MYO16: variants seen among roughly 807,000 people sequenced by gnomAD.
MYO16 encodes unconventional myosin-XVI.
MYO16 carries 94 observed loss-of-function variants against 205.3 expected under a neutral mutation model. The ratio of observed to expected loss-of-function variants is 0.46; its 90% CI spans 0.39 to 0.54. The LOEUF is 0.54. Among genes scored for constraint, MYO16 ranks in the 20% least tolerant of loss-of-function variants. The pLI is 0.00. For missense variants in MYO16, 2,315 were observed against 2,387.5 expected (o/e 0.97, Z 0.63); for synonymous variants, 988 against 954.0 (o/e 1.04, Z -0.66).
At chr13:109,146,101 A>G (rs1459595446) in intron 32 of MYO16, among the ~76,000 whole-genome samples, 1 of 152,150 alleles carries the variant, frequency 6.6e-6, no homozygotes, top group African/African-American at 2.4e-5. Flanking sequence ...TTTGAGGTAA[A>G]ATTTACCTAT....
At chr13:108,835,167 C>G (rs1173298481) in intron 9 of MYO16, among the ~76,000 whole-genome samples, 1 of 151,876 alleles carries the variant, frequency 6.6e-6, no homozygotes, top group Non-Finnish European at 1.5e-5. Context: ...AATTATAGTT[C>G]CCATAATCCC....
intron 2 of MYO16, among the ~76,000 whole-genome samples, chr13:108,682,989 G>A (rs988416336): frequency 6.6e-6 from 1 of 152,010 alleles, no homozygotes; most frequent in African/African-American, 2.4e-5. Flanking sequence ...TAATGTCAAG[G>A]GTGCTGTATA....
At chr13:108,628,631 A>G (rs1335269114), upstream of MYO16, among the ~76,000 whole-genome samples, 2 of 152,188 alleles carry the variant, frequency 1.3e-5, no homozygotes, top group South Asian at 4.1e-4. Flanking sequence ...ATGTGTTAGA[A>G]TATTATTCAG....
intron 34 of MYO16, among the ~76,000 whole-genome samples, chr13:109,197,180 G>A (rs1185829766): frequency 6.6e-6 from 1 of 152,304 alleles, no homozygotes; most frequent in Non-Finnish European, 1.5e-5. Context: ...CAAGAAACGA[G>A]CATGGGACCA....
intron 7 of MYO16, among the ~76,000 whole-genome samples, chr13:108,813,953 T>C (rs556384365): frequency 1.3e-5 from 2 of 152,284 alleles, no homozygotes; most frequent in South Asian, 2.1e-4. Context: ...TGGAAGCACA[T>C]AGGAAATATT....
At chr13:108,678,285 T>C (rs755175109) in intron 2 of MYO16, among the ~76,000 whole-genome samples, 10 of 152,200 alleles carry the variant, frequency 6.6e-5, no homozygotes, top group Admixed American at 3.9e-4. Flanking sequence ...ACTGCCCCAC[T>C]GGAGCCAGTG....
At chr13:108,614,427 C>T (rs1441840049) in intron 1 of MYO16, among the ~76,000 whole-genome samples, 1 of 151,912 alleles carries the variant, frequency 6.6e-6, no homozygotes, top group African/African-American at 2.4e-5. Context: ...AAATGCAATC[C>T]CTATTAAAAC....
At chr13:108,523,632 T>C in the MYO16 span, among the ~76,000 whole-genome samples, 1 of 152,190 alleles carries the variant, frequency 6.6e-6, no homozygotes, top group Non-Finnish European at 1.5e-5. Flanking sequence ...CTTTCTCATG[T>C]CAGCATTCAG....
chr13:108,548,560 G>A, the MYO16 span, among the ~76,000 whole-genome samples: 1 of 151,424 alleles, frequency 6.6e-6, no homozygotes, highest in African/African-American at 2.4e-5. Flanking sequence ...ATAGGATAGG[G>A]TTGAGGAGGA....
At chr13:108,913,329 T>C (rs933295293) in intron 16 of MYO16, among the ~76,000 whole-genome samples, 3 of 152,238 alleles carry the variant, frequency 2.0e-5, no homozygotes, top group Non-Finnish European at 4.4e-5. Flanking sequence ...GCAAGCTGTT[T>C]TTCAAGTTAT....
At chr13:108,844,217 G>T in intron 9 of MYO16, 126 bp from the exon 10 acceptor site, 1 of 680,764 alleles carries the variant, frequency 1.5e-6, no homozygotes, top group Non-Finnish European at 2.2e-6. Flanking sequence ...TTTTCCTGCA[G>T]TTTATAAGAA....
intron 9 of MYO16, among the ~76,000 whole-genome samples, chr13:108,837,962 C>A (rs1048115472): frequency 6.6e-6 from 1 of 151,920 alleles, no homozygotes; most frequent in Non-Finnish European, 1.5e-5. Context: ...TTGGTATATG[C>A]AAACCCTGTC....
At chr13:108,633,359 A>C (rs1880075025) in intron 1 of MYO16, among the ~76,000 whole-genome samples, 1 of 152,210 alleles carries the variant, frequency 6.6e-6, no homozygotes, top group Non-Finnish European at 1.5e-5. Flanking sequence ...AGGAAAGCTG[A>C]CAGTGCAGCC....
chr13:108,871,322 TTGTG>T (rs58117690), intron 12 of MYO16, among the ~76,000 whole-genome samples: 11,230 of 131,426 alleles, frequency 0.085, 453 homozygotes, highest in East Asian at 0.11. Context: ...CTATGTGACT[TTGTG>T]TGTGTGTGTG....
At chr13:108,720,859 C>T (rs543770239) in intron 3 of MYO16, among the ~76,000 whole-genome samples, 1 of 152,164 alleles carries the variant, frequency 6.6e-6, no homozygotes, top group African/African-American at 2.4e-5. Context: ...AATCTTCAGA[C>T]TTGATGTGTG....
At chr13:109,148,563 A>AT (rs1877469464) in intron 32 of MYO16, among the ~76,000 whole-genome samples, 1 of 152,222 alleles carries the variant, frequency 6.6e-6, no homozygotes, top group African/African-American at 2.4e-5. Context: ...GAAATTCCAA[A>AT]GAGGAGAGAA....
chr13:109,170,541 A>T (rs79659399), intron 33 of MYO16, among the ~76,000 whole-genome samples: 2 of 133,032 alleles, frequency 1.5e-5, no homozygotes, highest in Admixed American at 7.1e-5. Context: ...TCTGCAATTT[A>T]AAAAAAAAAG....
chr13:108,775,657 C>T (rs1886100966), intron 4 of MYO16, among the ~76,000 whole-genome samples: 1 of 152,132 alleles, frequency 6.6e-6, no homozygotes, highest in African/African-American at 2.4e-5. Flanking sequence ...CTTTGCAACT[C>T]ATCAGCTCCT....
intron 1 of MYO16, among the ~76,000 whole-genome samples, chr13:108,619,301 G>A (rs1355774689): frequency 2.6e-5 from 4 of 152,108 alleles, no homozygotes; most frequent in South Asian, 2.1e-4. Context: ...ATTATTAAAT[G>A]TCTACTAAAT....
Sources: allele counts gnomAD v4.1 joint callset (sites outside exome capture counted in the v4.1 genomes callset), GRCh38; gene constraint gnomAD v4.1.1; transcripts MANE v1.5; gene names NCBI Gene and HGNC (gene_info 2026-07-23, HGNC 2026-07-21).